TCEANC2: variants seen among roughly 807,000 people sequenced by gnomAD.
TCEANC2 encodes the protein transcription elongation factor A N-terminal and central domain containing 2, also known as transcription elongation factor A N-terminal and central domain-containing protein 2.
Under a neutral mutation model 22.8 loss-of-function variants are expected in TCEANC2, and 20 were observed. The ratio of observed to expected loss-of-function variants is 0.88; its 90% CI spans 0.62 to 1.28. TCEANC2 has a LOEUF of 1.28. TCEANC2 is among the 50% of genes most tolerant of loss of function. TCEANC2 has a pLI of 0.00. For synonymous variants in TCEANC2, 84 were observed against 95.5 expected, an observed-to-expected ratio of 0.88 and a Z score of 0.70; for missense variants, 251 against 249.7, an observed-to-expected ratio of 1.01 and a Z score of -0.03.
chr1:54,108,235 C>A (rs1160726659), downstream of TCEANC2, among the ~76,000 whole-genome samples: 1 of 152,190 alleles, frequency 6.6e-6, no homozygotes, highest in Non-Finnish European at 1.5e-5. Context: ...CTGCTGACTT[C>A]TTTGGCCTGA....
At chr1:54,055,240 A>G (rs1389518106) in intron 2 of TCEANC2, among the ~76,000 whole-genome samples, 4 of 152,192 alleles carry the variant, frequency 2.6e-5, no homozygotes, top group African/African-American at 9.7e-5. Context: ...TGCTGAGATT[A>G]CAGGCATGAG....
intron 3 of TCEANC2, among the ~76,000 whole-genome samples, chr1:54,079,664 G>A (rs1658202653): frequency 6.6e-6 from 1 of 152,154 alleles, no homozygotes; most frequent in African/African-American, 2.4e-5. Flanking sequence ...AAGGACTCAT[G>A]TGACTAGATT....
rs1346073910 is a variant in TCEANC2, at chr1:54,103,652, A to C, written c.*7179A>C. On this transcript the variant is annotated 3_prime_UTR_variant, in exon 5 of 5. Coordinates refer to ENST00000234827, the MANE Select transcript of TCEANC2 (RefSeq NM_153035.3). ...ACTGATCTAGCTATTGCTGCTGCTG[A>C]GTGTTCGGCCTGCCAGTAACAGAGA... The C allele has an allele frequency of 4.6e-5, 7 of 152,158 alleles. No homozygotes were observed. Among genetic ancestry groups the C allele is most frequent in the Non-Finnish European group, 1.0e-4 (7 of 68,026 alleles). The allele number at this position is 152,158 out of a possible 1,614,324, so 9.4% of individuals were successfully genotyped here. A position where few individuals can be genotyped will look rare whatever the true frequency, so the allele number is the denominator to read the frequency against.
chr1:54,054,265 A>T, intron 1 of TCEANC2, 116 bp from the exon 2 acceptor site: 1 of 1,448,774 alleles, frequency 6.9e-7, no homozygotes, highest in Middle Eastern at 1.8e-4. Context: ...TGTCAATTCC[A>T]CTCGAGGCCC....
intron 2 of TCEANC2, among the ~76,000 whole-genome samples, chr1:54,056,312 C>CTT (rs113892636): frequency 0.076 from 11,358 of 149,080 alleles, 1,043 homozygotes; most frequent in African/African-American, 0.22. Context: ...CTTTTCTTTT[C>CTT]TTTTCTTTTT....
At chr1:54,054,595 G>C (rs1050556613) in intron 2 of TCEANC2, 71 bp downstream of exon 2, 9 of 1,452,206 alleles carry the variant, frequency 6.2e-6, no homozygotes, top group Non-Finnish European at 7.4e-6. Flanking sequence ...AGGTTCTGTT[G>C]TGGAAAGACC....
At chr1:54,083,031 A>G (rs1379110871) in intron 3 of TCEANC2, among the ~76,000 whole-genome samples, 2 of 152,140 alleles carry the variant, frequency 1.3e-5, no homozygotes, top group East Asian at 3.9e-4. Flanking sequence ...AGTAAAAGAT[A>G]GAGGGAGAAT....
chr1:54,068,472 TCTC>T (rs1243693658), intron 2 of TCEANC2, among the ~76,000 whole-genome samples: 1 of 152,208 alleles, frequency 6.6e-6, no homozygotes, highest in Non-Finnish European at 1.5e-5. Flanking sequence ...GTTTTTCTCT[TCTC>T]ATCCTTATTG....
intron 2 of TCEANC2, among the ~76,000 whole-genome samples, chr1:54,061,371 C>T (rs912098563): frequency 1.3e-5 from 2 of 152,120 alleles, no homozygotes; most frequent in Non-Finnish European, 2.9e-5. Flanking sequence ...ATTGAAAGGG[C>T]TAACCATTGT....
At chr1:54,110,799 C>G (rs1658826636), downstream of TCEANC2, among the ~76,000 whole-genome samples, 1 of 152,052 alleles carries the variant, frequency 6.6e-6, no homozygotes, top group Admixed American at 6.6e-5. Context: ...CCTGACTATA[C>G]CCCTTCCTTG....
exon 5 of TCEANC2, chr1:54,111,552 C>T (rs1249442344): frequency 6.6e-6 from 1 of 152,180 alleles, no homozygotes; most frequent in Admixed American, 6.5e-5. Flanking sequence ...CCTTCCCACA[C>T]CGGGCAGAAA....
At chr1:54,055,533 C>A (rs1009052922) in intron 2 of TCEANC2, among the ~76,000 whole-genome samples, 1 of 152,196 alleles carries the variant, frequency 6.6e-6, no homozygotes, top group African/African-American at 2.4e-5. Flanking sequence ...CCTCAGAGTT[C>A]TGTCACATTT....
At position 54,054,437 on chromosome 1, in the gene TCEANC2, C is replaced by T; in HGVS notation, c.15C>T (p.Val5=). 3 of 1,614,070 alleles carry T rather than the reference C, an allele frequency of 1.9e-6. 1 individual carries two copies. The highest frequency in any genetic ancestry group is 2.2e-5 in the South Asian group (2 of 91,048). MDKF[V]IRTPRIQNSP... is the part of the protein sequence containing the mutation. ...GTCCCCTAACAATGGATAAATTCGT[C>T]ATTCGAACGCCTAGAATCCAGAATA... Residue 5 remains valine (V), a synonymous_variant, in exon 2 of 5, where the codon GTC becomes GTT. Coordinates refer to ENST00000234827, the MANE Select transcript of TCEANC2 (RefSeq NM_153035.3).
At chr1:54,112,231 TG>T (rs1658851216) in exon 5 of TCEANC2, 1 of 152,004 alleles carries the variant, frequency 6.6e-6, no homozygotes, top group Admixed American at 6.6e-5. Flanking sequence ...CCAGGCATGG[TG>T]GCGTGCACCT....
chr1:54,076,686 G>A (rs1308911487), intron 3 of TCEANC2, among the ~76,000 whole-genome samples: 1 of 152,070 alleles, frequency 6.6e-6, no homozygotes, highest in Non-Finnish European at 1.5e-5. Context: ...ATAGGAAAAG[G>A]GTGTTATAGA....
intron 4 of TCEANC2, among the ~76,000 whole-genome samples, chr1:54,095,311 A>G (rs1035105615): frequency 6.6e-6 from 1 of 152,036 alleles, no homozygotes; most frequent in Non-Finnish European, 1.5e-5. Flanking sequence ...TTCCGTAGGG[A>G]AAGGTGTGCC....
chr1:54,063,542 G>T (rs1318991447), intron 2 of TCEANC2, among the ~76,000 whole-genome samples: 1 of 152,094 alleles, frequency 6.6e-6, no homozygotes, highest in East Asian at 1.9e-4. Context: ...TACTATACAG[G>T]TTGAGCATCC....
intron 2 of TCEANC2, among the ~76,000 whole-genome samples, chr1:54,055,161 A>AC (rs1172019620): frequency 6.6e-6 from 1 of 152,028 alleles, no homozygotes; most frequent in Non-Finnish European, 1.5e-5. Flanking sequence ...ATGGGGTTTC[A>AC]CCATGTTGGC....
intron 3 of TCEANC2, among the ~76,000 whole-genome samples, chr1:54,077,699 A>G (rs1658167603): frequency 6.6e-6 from 1 of 152,096 alleles, no homozygotes. Context: ...TTACCACTGT[A>G]TTTCAAGCAT....
Sources: gnomAD v4.1 joint callset for allele counts (sites outside exome capture counted in the v4.1 genomes callset) on GRCh38, gnomAD v4.1.1 for gene constraint, MANE v1.5 for transcripts, NCBI Gene and HGNC (gene_info 2026-07-23, HGNC 2026-07-21) for gene names.